The following AGXT2 variants were observed in gnomAD, a reference collection of about 807,000 sequenced individuals.
The protein encoded by AGXT2 is alanine--glyoxylate aminotransferase 2.
AGXT2 carries 61 observed loss-of-function variants against 62.5 expected under a neutral mutation model. The ratio of observed to expected loss-of-function variants is 0.98; its 90% CI spans 0.79 to 1.21. AGXT2 has a LOEUF of 1.21. AGXT2 is among the 50% of genes most tolerant of loss of function. The pLI is 0.00. For synonymous variants in AGXT2, 243 were observed against 218.7 expected (o/e 1.11, Z -0.98); for missense variants, 666 against 641.5 (o/e 1.04, Z -0.41).
intron 9 of AGXT2, among the ~76,000 whole-genome samples, chr5:35,020,110 C>G (rs1767009386): frequency 1.3e-5 from 2 of 152,190 alleles, no homozygotes; most frequent in South Asian, 4.1e-4. Context: ...GAGTCCAGGA[C>G]CAGAAGGATT....
chr5:35,021,723 G>C (rs1299715776), intron 9 of AGXT2, among the ~76,000 whole-genome samples: 17 of 152,096 alleles, frequency 1.1e-4, no homozygotes, highest in African/African-American at 4.1e-4. Flanking sequence ...ATTGACAAAT[G>C]GGATCTAATT....
At chr5:35,010,299 A>G in intron 11 of AGXT2, 150 bp from the exon 12 acceptor site, 1 of 1,065,378 alleles carries the variant, frequency 9.4e-7, no homozygotes, top group South Asian at 1.3e-5. Flanking sequence ...CTACAAAAAG[A>G]TCTGTTGTAA....
intron 2 of AGXT2, among the ~76,000 whole-genome samples, chr5:35,039,748 T>C (rs1256831722): frequency 1.3e-5 from 2 of 152,238 alleles, no homozygotes; most frequent in Non-Finnish European, 2.9e-5. Flanking sequence ...CTGGAATTTC[T>C]ACCTAGCAAT....
At chr5:35,024,787 G>A (rs921257321) in intron 9 of AGXT2, among the ~76,000 whole-genome samples, 1 of 152,040 alleles carries the variant, frequency 6.6e-6, no homozygotes, top group African/African-American at 2.4e-5. Context: ...TGACCAACAC[G>A]GAGAAACCCC....
chr5:35,030,379 G>C (rs1767517563), intron 7 of AGXT2, among the ~76,000 whole-genome samples: 1 of 152,114 alleles, frequency 6.6e-6, no homozygotes, highest in South Asian at 2.1e-4. Flanking sequence ...GTGGTGGCAG[G>C]CACCTGTAAT....
intron 4 of AGXT2, among the ~76,000 whole-genome samples, chr5:35,035,799 G>A (rs112352221): frequency 2.0e-4 from 31 of 152,292 alleles, no homozygotes; most frequent in African/African-American, 6.0e-4. Flanking sequence ...TAAACAAGCC[G>A]GGTGCGGTGG....
At chr5:35,015,597 C>A (rs1766820572) in intron 9 of AGXT2, among the ~76,000 whole-genome samples, 1 of 152,064 alleles carries the variant, frequency 6.6e-6, no homozygotes, top group South Asian at 2.1e-4. Context: ...TGCCTGTAAT[C>A]TCAGCACTTT....
intron 3 of AGXT2, among the ~76,000 whole-genome samples, chr5:35,037,350 T>A (rs1334083579): frequency 6.6e-6 from 1 of 152,246 alleles, no homozygotes; most frequent in African/African-American, 2.4e-5. Context: ...AAGTTTGGGC[T>A]TAGAATTTCT....
chr5:35,042,874 T>C (rs142638065), intron 1 of AGXT2, among the ~76,000 whole-genome samples: 112 of 152,304 alleles, frequency 7.4e-4, no homozygotes, highest in African/African-American at 2.6e-3. Flanking sequence ...TTTGTCTTAT[T>C]GTTTTAACTA....
intron 9 of AGXT2, among the ~76,000 whole-genome samples, chr5:35,020,126 C>T (rs1349073527): frequency 9.9e-5 from 15 of 152,106 alleles, no homozygotes; most frequent in South Asian, 2.1e-4. Context: ...GGATTCACAG[C>T]GGAATTCTAC....
chr5:35,017,674 C>T (rs569628691), intron 9 of AGXT2, among the ~76,000 whole-genome samples: 2 of 152,320 alleles, frequency 1.3e-5, no homozygotes, highest in South Asian at 4.1e-4. Flanking sequence ...ACCTCTCCTC[C>T]TCCAAAGGAA....
At chr5:35,036,906 C>T (rs1424097566) in intron 4 of AGXT2, 36 bp downstream of exon 4, 1 of 1,612,946 alleles carries the variant, frequency 6.2e-7, no homozygotes, top group African/African-American at 1.3e-5. Flanking sequence ...TTTTTTTCCC[C>T]CATAACATTC....
chr5:35,032,312 C>T (rs1026502358), intron 7 of AGXT2, among the ~76,000 whole-genome samples: 8 of 152,000 alleles, frequency 5.3e-5, no homozygotes, highest in Admixed American at 5.2e-4. Flanking sequence ...ACTGCAGCCT[C>T]GACTTCCTCA....
At chr5:35,003,008 C>T (rs1349350354) in intron 13 of AGXT2, among the ~76,000 whole-genome samples, 1 of 152,162 alleles carries the variant, frequency 6.6e-6, no homozygotes, top group African/African-American at 2.4e-5. Context: ...TAGGGAGGAG[C>T]AGAAGTTACC....
chr5:35,026,196 G>A (rs1767340143), intron 8 of AGXT2: 3 of 609,996 alleles, frequency 4.9e-6, no homozygotes, highest in African/African-American at 3.7e-5. Flanking sequence ...TTAGGAGTTC[G>A]GTAGTTTCAT....
intron 10 of AGXT2, 129 bp downstream of exon 10, chr5:35,013,858 A>T (rs1278286261): frequency 7.2e-7 from 1 of 1,384,648 alleles, no homozygotes; most frequent in Non-Finnish European, 1.0e-6. Flanking sequence ...TCTCTCTTTC[A>T]TTTGCTTGGG....
intron 9 of AGXT2, among the ~76,000 whole-genome samples, chr5:35,015,486 C>T (rs1286066503): frequency 1.3e-5 from 2 of 152,140 alleles, no homozygotes; most frequent in African/African-American, 4.8e-5. Flanking sequence ...TCTCTCCACA[C>T]ATACACAAAA....
At chr5:35,039,826 T>A (rs1319502403) in intron 2 of AGXT2, among the ~76,000 whole-genome samples, 1 of 152,254 alleles carries the variant, frequency 6.6e-6, no homozygotes, top group Admixed American at 6.5e-5. Flanking sequence ...ATGTCTGAAC[T>A]AATAAGCAAT....
chr5:35,026,773 T>C, intron 7 of AGXT2: 1 of 921,230 alleles, frequency 1.1e-6, no homozygotes, highest in South Asian at 5.0e-5. Context: ...GTTCTTTCCA[T>C]CTGGGGAAGA....
Sources: allele counts gnomAD v4.1 joint callset (sites outside exome capture counted in the v4.1 genomes callset), GRCh38; gene constraint gnomAD v4.1.1; transcripts MANE v1.5; gene names NCBI Gene and HGNC (gene_info 2026-07-23, HGNC 2026-07-21).